Variants in MUC12 observed in about 807,000 individuals in gnomAD.
MUC12 encodes mucin-12.
In MUC12, 172 loss-of-function variants were observed where a neutral mutation model predicts 230.8. The ratio of observed to expected loss-of-function variants is 0.75; its 90% CI spans 0.66 to 0.85. The LOEUF (loss-of-function observed/expected upper bound fraction) is 0.85, where lower values mean the gene tolerates loss of function less well. Among genes scored for constraint, MUC12 ranks in the 40% least tolerant of loss-of-function variants. MUC12 has a pLI of 0.00. For missense variants in MUC12, 3,506 were observed against 5,920.6 expected (o/e 0.59, Z 13.38); for synonymous variants, 1,259 against 2,401.9 (o/e 0.52, Z 13.91).
At chr7:100,978,049 A>G (rs1478598369) in intron 1 of MUC12, among the ~76,000 whole-genome samples, 1 of 152,170 alleles carries the variant, frequency 6.6e-6, no homozygotes, top group Non-Finnish European at 1.5e-5. Context: ...ACTTAATGAC[A>G]TCTGGAAAGC....
At chr7:100,983,622 C>T (rs1254325324) in intron 1 of MUC12, among the ~76,000 whole-genome samples, 1 of 152,130 alleles carries the variant, frequency 6.6e-6, no homozygotes, top group African/African-American at 2.4e-5. Flanking sequence ...TCACAGCCTA[C>T]AAGGGCAAAG....
intron 5 of MUC12, among the ~76,000 whole-genome samples, chr7:101,011,461 C>T (rs551130205): frequency 1.3e-5 from 2 of 152,274 alleles, no homozygotes; most frequent in South Asian, 4.2e-4. Flanking sequence ...GGGTCTTGCT[C>T]TGTTGCCTGA....
In MUC12 at chr7:101,009,170, TG is replaced by T; in HGVS notation, c.15251+17del. ...CATTCGGAGATTGCTGTGAGTATAT[TG>T]GGGGGCAGGTTTATAGATGTGGGGA... is the stretch of plus-strand genomic sequence containing the variant. On this transcript the variant is annotated intron_variant, in intron 5 of 11. Coordinates refer to ENST00000536621, the MANE Select transcript of MUC12 (RefSeq NM_001164462.2). The T allele has an allele frequency of 1.3e-6, 2 of 1,537,232 alleles. No homozygotes were observed. Among genetic ancestry groups the T allele is most frequent in the Non-Finnish European group, 1.7e-6 (2 of 1,146,496 alleles).
rs540516940 is a variant in MUC12 at position 101,018,859 on chromosome 7, C to T, written c.*223C>T. 8.7e-5 allele frequency: 42 copies of T among 480,060 alleles called. No homozygotes were observed. The highest frequency in any genetic ancestry group is 8.3e-4 in the African/African-American group (41 of 49,554). The allele number at this position is 480,060 out of a possible 1,614,324, so 29.7% of individuals were successfully genotyped here. A position where few individuals can be genotyped will look rare whatever the true frequency, so the allele number is the denominator to read the frequency against. ...CCGGGAGCTTCCAGACTCCCAGAAG[C>T]CTCGGCACCCCTGTCTCCTCCTGGG... On this transcript the variant is annotated 3_prime_UTR_variant, in exon 12 of 12. Coordinates refer to ENST00000536621, the MANE Select transcript of MUC12 (RefSeq NM_001164462.2).
intron 1 of MUC12, among the ~76,000 whole-genome samples, chr7:100,971,887 C>T (rs1049414306): frequency 5.9e-5 from 9 of 152,304 alleles, no homozygotes; most frequent in African/African-American, 9.6e-5. Flanking sequence ...TGTACCCAGC[C>T]GTGTGTTAGA....
Position 100,991,748 on chromosome 7 carries a change from C to A in MUC12, c.1185C>A (p.His395Gln). Residue 395 changes from histidine (H) to glutamine (Q), a missense_variant, in exon 2 of 12, where the codon CAC becomes CAA. Coordinates refer to ENST00000536621, the MANE Select transcript of MUC12 (RefSeq NM_001164462.2). ...CAACTTTCCACGGCAGCACAACACA[C>A]ACAAAATCTTCAACTCCTAGCACCA... Reference protein sequence around the residue: ...ESATFHGSTTHTKSSTPSTTA... With the variant: ...ESATFHGSTTQTKSSTPSTTA... 2.0e-6 allele frequency: 3 copies of A among 1,537,988 alleles called. No homozygotes were observed. The highest frequency in any genetic ancestry group is 2.6e-6 in the Non-Finnish European group (3 of 1,147,074).
In MUC12 at chr7:100,992,418, C is replaced by A; in HGVS notation, c.1855C>A (p.Leu619Met). 1 of 1,537,616 alleles carries A rather than the reference C, an allele frequency of 6.5e-7. No individual in the cohort carries two copies. The highest frequency in any genetic ancestry group is 8.7e-7 in the Non-Finnish European group (1 of 1,146,774). ...HSSTRSPHTT[L>M]SPAGSTTRQG... Reference sequence around the variant, plus strand: ...CAGCACCAGATCGCCACACACAACACTGTCCCCTGCCGGCTCTACAACCCG... The same window carrying A: ...CAGCACCAGATCGCCACACACAACAATGTCCCCTGCCGGCTCTACAACCCG... The change falls in exon 2 of 12, where the codon CTG becomes ATG. Residue 619 changes from leucine (L) to methionine (M), a missense_variant. Transcript: ENST00000536621.
At chr7:101,013,260 A>G (rs1390999928) in intron 8 of MUC12, 118 bp downstream of exon 8, 5 of 1,096,894 alleles carry the variant, frequency 4.6e-6, no homozygotes, top group Non-Finnish European at 6.5e-6. Flanking sequence ...CCTCCTCCCC[A>G]CTCCTGGACA....
In MUC12 at chr7:101,015,654, C is replaced by CA; in HGVS notation, c.15841dup (p.Thr5281AsnfsTer24). 1 of 1,537,702 alleles carries CA rather than the reference C, an allele frequency of 6.5e-7. No individual in the cohort carries two copies. The highest frequency in any genetic ancestry group is 8.7e-7 in the Non-Finnish European group (1 of 1,147,006). ...TGCCTCAAGAGTGGCGAAAGGAAGG[C>CA]ACCCCTGGCATCTTCCAGAAGACGG... On this transcript the variant is annotated frameshift_variant, in exon 10 of 12. Coordinates refer to ENST00000536621, the MANE Select transcript of MUC12 (RefSeq NM_001164462.2). LOFTEE classifies it high-confidence loss of function.
Position 100,991,502 on chromosome 7 carries a change from A to C in MUC12, c.939A>C (p.Pro313=), listed in dbSNP as rs11770526. Residue 313 remains proline, a synonymous_variant, in exon 2 of 12, where the codon CCA becomes CCC. Coordinates refer to ENST00000536621, the MANE Select transcript of MUC12 (RefSeq NM_001164462.2). ...ATCACAGCAGCCCGAGCTCAACTCC[A>C]ACAACCCACTTTTCTGCCAGCTCCA... ...TTYHSSPSST[P]TTHFSASSTT... 0.13 allele frequency: 207,169 copies of C among 1,537,584 alleles called. 15,112 individuals are homozygous for C. The highest frequency in any genetic ancestry group is 0.2 in the African/African-American group (14,837 of 73,034).
chr7:100,971,691 C>CT (rs1258291433), intron 1 of MUC12, among the ~76,000 whole-genome samples: 3 of 152,410 alleles, frequency 2.0e-5, no homozygotes, highest in African/African-American at 7.2e-5. Context: ...CATAGATTCC[C>CT]TTTAAGTTCA....
At chr7:100,987,760 G>A (rs1793216637) in intron 1 of MUC12, among the ~76,000 whole-genome samples, 1 of 152,020 alleles carries the variant, frequency 6.6e-6, no homozygotes, top group Non-Finnish European at 1.5e-5. Flanking sequence ...GTCACCTGAG[G>A]TCAGGAGTTT....
In MUC12 at chr7:101,006,547, G is replaced by A. The variant is rs979767919; in HGVS notation, c.15033G>A (p.Leu5011=). 3 of 1,537,072 alleles carry A rather than the reference G, an allele frequency of 2.0e-6. No homozygotes were observed. The highest frequency in any genetic ancestry group is 1.4e-5 in the African/African-American group (1 of 73,164). Residue 5011 remains leucine (L), a synonymous_variant, in exon 3 of 12, where the codon TTG becomes TTA. Coordinates refer to ENST00000536621, the MANE Select transcript of MUC12 (RefSeq NM_001164462.2). ...AAGGCTACGTTGGTTACCAGTGCTT[G>A]TCCCCTCTGGAATCCTTCCCTGTAG... The part of the protein sequence containing the change: ...CPQGYVGYQC[L]SPLESFPVET...
chr7:100,981,353 C>A, intron 1 of MUC12: 2 of 617,006 alleles, frequency 3.2e-6, no homozygotes, highest in Non-Finnish European at 5.8e-6. Context: ...AGCATGGTTC[C>A]CTTGTCCCTC....
At chr7:100,970,833 TA>T (rs1442386388) in intron 1 of MUC12, among the ~76,000 whole-genome samples, 2 of 151,906 alleles carry the variant, frequency 1.3e-5, no homozygotes, top group East Asian at 3.9e-4. Context: ...CCATCTCTAC[TA>T]AAAATACAAA....
chr7:100,971,403 T>C (rs1293875538), intron 1 of MUC12, among the ~76,000 whole-genome samples: 3 of 100,348 alleles, frequency 3.0e-5, no homozygotes, highest in Non-Finnish European at 6.3e-5. Context: ...GCAGAAGGGG[T>C]GGTGAGGGGG....
intron 5 of MUC12, among the ~76,000 whole-genome samples, chr7:101,009,749 G>C (rs192322896): frequency 5.3e-5 from 8 of 152,270 alleles, no homozygotes; most frequent in African/African-American, 1.9e-4. Flanking sequence ...AAGGGAAGGA[G>C]AGGCAGTTGC....
chr7:101,011,368 C>T (rs920929124), intron 5 of MUC12, among the ~76,000 whole-genome samples: 2 of 152,172 alleles, frequency 1.3e-5, no homozygotes, highest in South Asian at 2.1e-4. Flanking sequence ...ATCTCTCCCC[C>T]CAGCTGCATC....
At chr7:101,013,793 AG>A (rs1793875357) in intron 8 of MUC12, 119 bp from the exon 9 acceptor site, 6 of 1,211,850 alleles carry the variant, frequency 5.0e-6, no homozygotes, top group African/African-American at 3.1e-5. Context: ...CTGGGGGCTG[AG>A]CTCCAGCCGT....
Sources: allele counts gnomAD v4.1 joint callset (sites outside exome capture counted in the v4.1 genomes callset), GRCh38; gene constraint gnomAD v4.1.1; transcripts MANE v1.5; gene names NCBI Gene and HGNC (gene_info 2026-07-23, HGNC 2026-07-21).